The following VAT1L variants were observed in gnomAD, a reference collection of about 807,000 sequenced individuals.
VAT1L encodes the protein vesicle amine transport 1 like.
A neutral mutation model predicts 44.1 loss-of-function variants in VAT1L; 34 were observed. That is an observed-to-expected ratio of 0.77 (90% CI 0.59 to 1.03). The LOEUF is 1.03. Among genes scored for constraint, VAT1L ranks in the 50% least tolerant of loss-of-function variants. VAT1L has a pLI of 0.00. For synonymous variants in VAT1L, 253 were observed against 202.2 expected, an observed-to-expected ratio of 1.25 and a Z score of -2.13; for missense variants, 615 against 538.8, an observed-to-expected ratio of 1.14 and a Z score of -1.40.
At chr16:77,943,792 C>T (rs1196052119) in intron 7 of VAT1L, among the ~76,000 whole-genome samples, 1 of 152,154 alleles carries the variant, frequency 6.6e-6, no homozygotes, top group African/African-American at 2.4e-5. Context: ...TTTCTAGGAG[C>T]ACAAGAGCAT....
chr16:77,882,137 A>C (rs2017161483), intron 6 of VAT1L: 1 of 152,214 alleles, frequency 6.6e-6, no homozygotes, highest in Non-Finnish European at 1.5e-5. Context: ...AAGAAAACTG[A>C]AGAGAGGGCC....
intron 7 of VAT1L, among the ~76,000 whole-genome samples, chr16:77,965,323 G>A (rs180818474): frequency 1.3e-5 from 2 of 152,300 alleles, no homozygotes; most frequent in African/African-American, 2.4e-5. Flanking sequence ...TTGTTAGAAT[G>A]ATATTACCAA....
At position 77,817,054 on chromosome 16, in the gene VAT1L, A is replaced by AT; in HGVS notation, c.363+5dup. 1 of 1,611,614 alleles carries AT rather than the reference A, an allele frequency of 6.2e-7. No homozygotes were observed. The highest frequency in any genetic ancestry group is 1.7e-5 in the Admixed American group (1 of 59,438). On this transcript the variant is annotated splice_donor_region_variant and intron_variant, in intron 2 of 8. Transcript: ENST00000302536. ...GGACAGCGTGAAAGGATATGAGGTA[A>AT]TGTTTGGCTCTCAATTGAAGAGTAA...
intron 3 of VAT1L, among the ~76,000 whole-genome samples, chr16:77,840,733 G>A (rs57077921): frequency 0.1 from 15,408 of 152,028 alleles, 945 homozygotes; most frequent in African/African-American, 0.16. Context: ...GCAGATACGT[G>A]TTTGATTCCT....
intron 7 of VAT1L, among the ~76,000 whole-genome samples, chr16:77,925,415 C>T (rs2017655226): frequency 6.6e-6 from 1 of 152,164 alleles, no homozygotes; most frequent in African/African-American, 2.4e-5. Context: ...TTTCAGCCTA[C>T]CATTTACAAA....
intron 4 of VAT1L, among the ~76,000 whole-genome samples, chr16:77,875,963 A>G (rs1397535968): frequency 1.3e-5 from 2 of 152,152 alleles, no homozygotes; most frequent in Admixed American, 1.3e-4. Context: ...TGCTCTACAC[A>G]TAGGAGTTGC....
At chr16:77,833,019 G>A (rs1202898555) in intron 3 of VAT1L, among the ~76,000 whole-genome samples, 2 of 152,198 alleles carry the variant, frequency 1.3e-5, no homozygotes, top group African/African-American at 2.4e-5. Flanking sequence ...AAAGGCACCA[G>A]TATCTACCCA....
chr16:77,880,168 C>CT (rs991695897), intron 6 of VAT1L, among the ~76,000 whole-genome samples: 61 of 152,164 alleles, frequency 4.0e-4, no homozygotes, highest in African/African-American at 1.2e-3. Flanking sequence ...TTGGCTTGAA[C>CT]TTTTTTGAGA....
chr16:77,963,482 A>G (rs2018186685), intron 7 of VAT1L, among the ~76,000 whole-genome samples: 1 of 152,172 alleles, frequency 6.6e-6, no homozygotes, highest in Non-Finnish European at 1.5e-5. Context: ...CCTTGATGTT[A>G]ACCCTGTAAA....
At chr16:77,944,581 G>C (rs2017935829) in intron 7 of VAT1L, among the ~76,000 whole-genome samples, 1 of 152,152 alleles carries the variant, frequency 6.6e-6, no homozygotes, top group African/African-American at 2.4e-5. Context: ...CACCTGTCTT[G>C]TATAAAATTG....
At position 77,879,649 on chromosome 16, in the gene VAT1L, A is replaced by G. The variant is rs922904586; in HGVS notation, c.882+425A>G. ...CTTTCAATTTCCTCGTTCATTTCCC[A>G]TAAAACCTGCACTCCTGCCCTATTC... On this transcript the variant is annotated intron_variant, in intron 6 of 8. Transcript: ENST00000302536. The surrounding 1 kb of genome is among the most constrained non-coding windows in gnomAD (Gnocchi z 4.1). Among the ~76,000 whole-genome samples the G allele has an allele frequency of 1.3e-5, 2 of 152,210 alleles. No individual in the cohort carries two copies. Among genetic ancestry groups the G allele is most frequent in the African/African-American group, 2.4e-5 (1 of 41,450 alleles).
At chr16:77,923,387 T>C (rs1390998741) in intron 7 of VAT1L, among the ~76,000 whole-genome samples, 1 of 152,076 alleles carries the variant, frequency 6.6e-6, no homozygotes, top group Non-Finnish European at 1.5e-5. Flanking sequence ...GAGGCAGAGG[T>C]TGCAGTGAGC....
At chr16:77,834,450 C>T (rs1010756737) in intron 3 of VAT1L, among the ~76,000 whole-genome samples, 2 of 152,152 alleles carry the variant, frequency 1.3e-5, no homozygotes, top group East Asian at 3.9e-4. Flanking sequence ...GAAACATGGA[C>T]AGAGGTATGC....
intron 1 of VAT1L, chr16:77,800,726 A>G (rs2016032637): frequency 6.6e-6 from 1 of 152,218 alleles, no homozygotes; most frequent in Admixed American, 6.5e-5. Flanking sequence ...CCCCCAGTGC[A>G]GGTTACAAAG....
At chr16:77,946,433 G>A (rs1268241815) in intron 7 of VAT1L, among the ~76,000 whole-genome samples, 6 of 151,310 alleles carry the variant, frequency 4.0e-5, no homozygotes, top group South Asian at 2.1e-4. Context: ...ATAGGCACCC[G>A]CCACCACGGC....
chr16:77,900,127 T>C (rs933078373), intron 7 of VAT1L, among the ~76,000 whole-genome samples: 5 of 152,134 alleles, frequency 3.3e-5, no homozygotes, highest in Admixed American at 6.5e-5. Context: ...ACCACAGAGA[T>C]AGGCAGGACA....
At chr16:77,871,431 C>A (rs146005596) in intron 4 of VAT1L, among the ~76,000 whole-genome samples, 5 of 152,204 alleles carry the variant, frequency 3.3e-5, no homozygotes, top group Admixed American at 1.3e-4. Context: ...CAAGAAAGCA[C>A]CCCCCAGCTT....
chr16:77,841,714 G>A (rs2016707696), intron 3 of VAT1L, among the ~76,000 whole-genome samples: 1 of 152,094 alleles, frequency 6.6e-6, no homozygotes, highest in African/African-American at 2.4e-5. Context: ...AAAAAGCCTG[G>A]AAACTATTTC....
intron 6 of VAT1L, among the ~76,000 whole-genome samples, chr16:77,882,986 C>G (rs1017473945): frequency 1.3e-5 from 2 of 152,180 alleles, no homozygotes; most frequent in South Asian, 4.1e-4. Context: ...CCCCGGCCCT[C>G]TCCGAATGTG....
Sources: gnomAD v4.1 joint callset for allele counts (sites outside exome capture counted in the v4.1 genomes callset) on GRCh38, gnomAD v4.1.1 for gene constraint, Gnocchi (gnomAD v3.1) non-coding constraint, MANE v1.5 for transcripts, NCBI Gene and HGNC (gene_info 2026-07-23, HGNC 2026-07-21) for gene names.